Variants in COL25A1 observed in about 807,000 individuals in gnomAD.
COL25A1 encodes collagen alpha-1(XXV) chain.
Under a neutral mutation model 128.4 loss-of-function variants are expected in COL25A1, and 103 were observed. The observed-to-expected ratio is 0.80, with a 90% CI of 0.68 to 0.94. The LOEUF (loss-of-function observed/expected upper bound fraction) is 0.94. Among genes scored for constraint, COL25A1 ranks in the 40% least tolerant of loss-of-function variants. The probability of loss-of-function intolerance (pLI) is 0.00; values close to 1 mark genes in which losing one functional copy is unlikely to be tolerated. For synonymous variants in COL25A1, 279 were observed against 277.2 expected (o/e 1.01, Z -0.06); for missense variants, 745 against 840.0 (o/e 0.89, Z 1.40).
intron 3 of COL25A1, among the ~76,000 whole-genome samples, chr4:109,228,038 G>T (rs1010905383): frequency 7.2e-5 from 11 of 152,144 alleles, no homozygotes; most frequent in African/African-American, 2.4e-4. Flanking sequence ...AGCAGGCCTG[G>T]AGTTCTGATG....
intron 2 of COL25A1, 70 bp from the exon 3 acceptor site, chr4:109,300,722 G>A (rs1725432997): frequency 9.6e-7 from 1 of 1,038,502 alleles, no homozygotes; most frequent in South Asian, 1.3e-5. Flanking sequence ...TAGGGACTCT[G>A]GCCATACGCC....
At position 108,942,443 on chromosome 4, in the gene COL25A1, CT is replaced by C. The variant is rs113261936; in HGVS notation, c.493-1007del. Among the ~76,000 whole-genome samples, 940 of 146,654 alleles carry C rather than the reference CT, an allele frequency of 6.4e-3. 16 individuals are homozygous for C. In the East Asian group the frequency reaches 0.069, roughly 11 times the overall value. On this transcript the variant is annotated intron_variant, in intron 8 of 37. Coordinates refer to ENST00000399132, the MANE Select transcript of COL25A1 (RefSeq NM_198721.4). ...AGACACATAAGGCCCCAAAATAAAC[CT>C]TTTTTTTTTTTCTTTTTAAGATGAA... is the stretch of plus-strand genomic sequence containing the variant.
chr4:108,846,969 G>A (rs369014289), intron 27 of COL25A1, among the ~76,000 whole-genome samples: 3 of 147,948 alleles, frequency 2.0e-5, no homozygotes, highest in East Asian at 2.0e-4. Flanking sequence ...GCAATGGTGC[G>A]ATCTTGGCTC....
intron 3 of COL25A1, among the ~76,000 whole-genome samples, chr4:109,110,124 A>G (rs12186121): frequency 0.085 from 13,001 of 152,204 alleles, 676 homozygotes; most frequent in Middle Eastern, 0.12. Context: ...CATCTAGTAC[A>G]GGAGGGATGT....
intron 3 of COL25A1, among the ~76,000 whole-genome samples, chr4:109,103,146 A>G (rs543490258): frequency 6.6e-6 from 1 of 152,288 alleles, no homozygotes; most frequent in East Asian, 1.9e-4. Flanking sequence ...TGGTGCTACA[A>G]AGAGATCTTA....
chr4:109,150,006 GTGTGTGTATGTATC>G (rs1771332730), intron 3 of COL25A1, among the ~76,000 whole-genome samples: 2 of 151,442 alleles, frequency 1.3e-5, no homozygotes, highest in South Asian at 4.2e-4. Context: ...GTGGGTGTGT[GTGTGTGTATGTATC>G]TGTGTGTATG....
chr4:109,182,473 G>T (rs1366564973), intron 3 of COL25A1, among the ~76,000 whole-genome samples: 2 of 152,112 alleles, frequency 1.3e-5, no homozygotes, highest in African/African-American at 4.8e-5. Flanking sequence ...CTACATAATA[G>T]TATTTGAATA....
Position 108,813,583 on chromosome 4 carries a change from A to T in COL25A1, c.*344T>A, listed in dbSNP as rs1179090095. 1 of 242,838 alleles carries T rather than the reference A, an allele frequency of 4.1e-6. No individual in the cohort carries two copies. The highest frequency in any genetic ancestry group is 2.3e-5 in the African/African-American group (1 of 44,210). The allele number at this position is 242,838 out of a possible 1,614,324, so 15.0% of individuals were successfully genotyped here. A position where few individuals can be genotyped will look rare whatever the true frequency, so the allele number is the denominator to read the frequency against. The stretch of plus-strand genomic sequence containing the variant: ...ATTTGGTCACCATTTCATGTAAACT[A>T]TTTCATGGCACTTTTTGTCCATGCA... On this transcript the variant is annotated 3_prime_UTR_variant, in exon 38 of 38. Coordinates refer to ENST00000399132, the MANE Select transcript of COL25A1 (RefSeq NM_198721.4).
At chr4:108,923,871 C>T (rs930288814) in intron 11 of COL25A1, among the ~76,000 whole-genome samples, 2 of 152,150 alleles carry the variant, frequency 1.3e-5, no homozygotes, top group Admixed American at 6.6e-5. Flanking sequence ...ATCATCTTTT[C>T]GGTTCATCTC....
intron 3 of COL25A1, among the ~76,000 whole-genome samples, chr4:109,053,754 G>A (rs184248302): frequency 1.3e-5 from 2 of 152,090 alleles, no homozygotes; most frequent in Non-Finnish European, 2.9e-5. Flanking sequence ...TTTTATAAAC[G>A]TTTGCAATAA....
chr4:109,240,726 C>T (rs1779844124), intron 3 of COL25A1, among the ~76,000 whole-genome samples: 1 of 152,082 alleles, frequency 6.6e-6, no homozygotes, highest in Non-Finnish European at 1.5e-5. Context: ...AACGCTGATG[C>T]TGTCACTTGG....
At chr4:109,051,616 T>TAC (rs757614145) in intron 3 of COL25A1, among the ~76,000 whole-genome samples, 2,817 of 112,392 alleles carry the variant, frequency 0.025, 59 homozygotes, top group East Asian at 0.13. Context: ...CAAACACACA[T>TAC]ACATACACAC....
intron 3 of COL25A1, among the ~76,000 whole-genome samples, chr4:109,254,730 A>C (rs1316226360): frequency 6.6e-6 from 1 of 151,826 alleles, no homozygotes; most frequent in Non-Finnish European, 1.5e-5. Flanking sequence ...TCCTTTAATA[A>C]GCTTAACTAT....
rs17039624 is a variant in COL25A1, at chr4:108,980,457, A to G, written c.439-5898T>C. Among the ~76,000 whole-genome samples the G allele has an allele frequency of 3.3e-3, 500 of 152,380 alleles. 1 individual carries two copies. The highest frequency in any genetic ancestry group is 0.011 in the African/African-American group (475 of 41,600). ...GACAAGCTTTGGCCTAAGCTGGTTC[A>G]ACGTAGATGAACACAGCAGTTCCAC... On this transcript the variant is annotated intron_variant, in intron 6 of 37. Coordinates refer to ENST00000399132, the MANE Select transcript of COL25A1 (RefSeq NM_198721.4).
At chr4:108,836,545 A>T (rs1045290433) in intron 31 of COL25A1, among the ~76,000 whole-genome samples, 31 of 152,220 alleles carry the variant, frequency 2.0e-4, no homozygotes, top group Non-Finnish European at 3.4e-4. Flanking sequence ...AAATATTTTT[A>T]AAAATAAAGC....
chr4:109,284,820 C>T (rs1197191609), intron 3 of COL25A1, among the ~76,000 whole-genome samples: 1 of 148,246 alleles, frequency 6.7e-6, no homozygotes, highest in Non-Finnish European at 1.5e-5. Flanking sequence ...TTGAATTTGT[C>T]CCCCCATGCC....
chr4:109,021,931 C>A, intron 5 of COL25A1: 1 of 355,738 alleles, frequency 2.8e-6, no homozygotes, highest in Non-Finnish European at 5.5e-6. Flanking sequence ...TCTCTGCTCT[C>A]GAACCCTGTT....
intron 28 of COL25A1, 74 bp from the exon 29 acceptor site, chr4:108,845,325 C>T: frequency 8.6e-6 from 10 of 1,157,688 alleles, no homozygotes; most frequent in South Asian, 8.6e-5. Flanking sequence ...ATTTTCTCCC[C>T]AAACCCATTG....
chr4:109,089,237 T>G (rs1241107840), intron 3 of COL25A1, among the ~76,000 whole-genome samples: 1 of 152,178 alleles, frequency 6.6e-6, no homozygotes, highest in Non-Finnish European at 1.5e-5. Context: ...AAAGGACCAT[T>G]TAATCATCCT....
Sources: gnomAD v4.1 joint callset for allele counts (sites outside exome capture counted in the v4.1 genomes callset) on GRCh38, gnomAD v4.1.1 for gene constraint, MANE v1.5 for transcripts, NCBI Gene and HGNC (gene_info 2026-07-23, HGNC 2026-07-21) for gene names.